Variants in ELMO1 observed in about 807,000 individuals in gnomAD.
ELMO1 encodes engulfment and cell motility 1.
A neutral mutation model predicts 98.9 loss-of-function variants in ELMO1; 26 were observed. That is an observed-to-expected ratio of 0.26 (90% CI 0.19 to 0.36). ELMO1 has a LOEUF of 0.36. Among genes scored for constraint, ELMO1 ranks in the 10% least tolerant of loss-of-function variants. The pLI, the probability that ELMO1 is intolerant of heterozygous loss-of-function variation, is 1.00. For synonymous variants in ELMO1, 346 were observed against 346.0 expected (o/e 1.00, Z 0.00); for missense variants, 627 against 935.2 (o/e 0.67, Z 4.30).
intron 1 of ELMO1, among the ~76,000 whole-genome samples, chr7:37,403,604 A>C (rs1163681104): frequency 6.6e-6 from 1 of 152,106 alleles, no homozygotes; most frequent in Non-Finnish European, 1.5e-5. Flanking sequence ...GAGTGCAGTG[A>C]CATGATCACA....
intron 16 of ELMO1, among the ~76,000 whole-genome samples, chr7:36,927,257 A>C (rs993697085): frequency 6.6e-6 from 1 of 152,208 alleles, no homozygotes; most frequent in African/African-American, 2.4e-5. Context: ...TCCCTGCCTC[A>C]AGAGACACTC....
In ELMO1 at chr7:36,867,478, T is replaced by C. The variant is rs542316572; in HGVS notation, c.1905+2915A>G. Among the ~76,000 whole-genome samples, 225 of 152,298 alleles carry C rather than the reference T, an allele frequency of 1.5e-3. 1 individual carries two copies. Among genetic ancestry groups the C allele is most frequent in the African/African-American group, 5.1e-3 (211 of 41,560 alleles). On this transcript the variant is annotated intron_variant, in intron 20 of 21. Coordinates refer to ENST00000310758, the MANE Select transcript of ELMO1 (RefSeq NM_014800.11). ...TTTTCAAAGTACCAGCTTTTGGTTT[T>C]GTTGATTTTCTCTACTGATTTCAGT... is the stretch of plus-strand genomic sequence containing the variant.
chr7:37,251,113 G>A (rs949054664), intron 6 of ELMO1, among the ~76,000 whole-genome samples: 4 of 152,184 alleles, frequency 2.6e-5, no homozygotes, highest in Non-Finnish European at 5.9e-5. Context: ...ACCCAAAGAA[G>A]AGCAGTATTT....
intron 1 of ELMO1, among the ~76,000 whole-genome samples, chr7:37,377,377 C>T (rs1802395512): frequency 6.6e-6 from 1 of 151,878 alleles, no homozygotes; most frequent in African/African-American, 2.4e-5. Flanking sequence ...AGTGAAAAGT[C>T]ACTTGAGGCA....
intron 6 of ELMO1, among the ~76,000 whole-genome samples, chr7:37,258,381 C>A (rs1386089592): frequency 1.3e-5 from 2 of 151,996 alleles, no homozygotes; most frequent in Non-Finnish European, 2.9e-5. Flanking sequence ...GTGGAGGTTG[C>A]AGTGAACAGC....
intron 19 of ELMO1, among the ~76,000 whole-genome samples, chr7:36,872,741 C>T (rs559804120): frequency 5.9e-5 from 9 of 152,238 alleles, no homozygotes; most frequent in Non-Finnish European, 1.3e-4. Context: ...AGTTGGCTGA[C>T]TTTCCAATGG....
At chr7:37,378,546 TA>T (rs1400700897) in intron 1 of ELMO1, among the ~76,000 whole-genome samples, 1 of 151,750 alleles carries the variant, frequency 6.6e-6, no homozygotes, top group East Asian at 1.9e-4. Flanking sequence ...AAGAGGGAGA[TA>T]AAAGGAACAA....
At chr7:37,268,041 T>A (rs908129720) in intron 5 of ELMO1, among the ~76,000 whole-genome samples, 4 of 152,224 alleles carry the variant, frequency 2.6e-5, no homozygotes, top group African/African-American at 9.6e-5. Context: ...ATAGTCACCA[T>A]AAGCACTTCT....
At chr7:37,198,107 C>T (rs980034082) in intron 13 of ELMO1, among the ~76,000 whole-genome samples, 3 of 152,132 alleles carry the variant, frequency 2.0e-5, no homozygotes. Context: ...TCCTGAGTAG[C>T]AAAAATACAG....
intron 1 of ELMO1, among the ~76,000 whole-genome samples, chr7:37,346,332 C>T (rs932523972): frequency 6.6e-6 from 1 of 152,194 alleles, no homozygotes; most frequent in Admixed American, 6.5e-5. Flanking sequence ...CTTAAAATTT[C>T]GCATCCTCTT....
chr7:37,304,384 C>T (rs1798498205), intron 4 of ELMO1, among the ~76,000 whole-genome samples: 2 of 151,988 alleles, frequency 1.3e-5, no homozygotes, highest in Middle Eastern at 3.2e-3. Context: ...TGTACATATG[C>T]ACTTCAATTT....
At chr7:37,271,280 A>C (rs1449827543) in intron 5 of ELMO1, 1 of 153,068 alleles carries the variant, frequency 6.5e-6, no homozygotes, top group Non-Finnish European at 1.5e-5. Flanking sequence ...AAAGGAAAGT[A>C]ACTGACTTTG....
chr7:37,336,699 C>T (rs1307988900), intron 2 of ELMO1, among the ~76,000 whole-genome samples: 2 of 151,988 alleles, frequency 1.3e-5, no homozygotes, highest in East Asian at 1.9e-4. Context: ...GCAGCTTTGC[C>T]GAGCGTAACC....
chr7:37,344,090 G>T (rs904030201), intron 1 of ELMO1, among the ~76,000 whole-genome samples: 8 of 146,820 alleles, frequency 5.4e-5, no homozygotes, highest in African/African-American at 2.0e-4. Flanking sequence ...GGAGTGCAGG[G>T]GCATGATCTC....
chr7:37,277,792 G>C (rs920497235), intron 4 of ELMO1, among the ~76,000 whole-genome samples: 101 of 152,312 alleles, frequency 6.6e-4, no homozygotes, highest in African/African-American at 2.3e-3. Context: ...TACTGAGAAC[G>C]CACACCTTCC....
intron 16 of ELMO1, among the ~76,000 whole-genome samples, chr7:36,956,855 A>G (rs1788496120): frequency 6.6e-6 from 1 of 152,236 alleles, no homozygotes; most frequent in African/African-American, 2.4e-5. Context: ...ATGGCAAGAA[A>G]TCATGAGCCA....
At chr7:37,385,453 C>T (rs368023963) in intron 1 of ELMO1, among the ~76,000 whole-genome samples, 1 of 152,224 alleles carries the variant, frequency 6.6e-6, no homozygotes. Flanking sequence ...CCTTTCTTCA[C>T]TCCGGTTTCC....
At chr7:37,258,197 G>A (rs1795789791) in intron 6 of ELMO1, among the ~76,000 whole-genome samples, 1 of 152,106 alleles carries the variant, frequency 6.6e-6, no homozygotes. Flanking sequence ...GAACCCAGGA[G>A]GCAGAGCTTG....
intron 15 of ELMO1, among the ~76,000 whole-genome samples, chr7:37,019,790 T>C (rs534463876): frequency 6.6e-6 from 1 of 152,358 alleles, no homozygotes; most frequent in South Asian, 2.1e-4. Flanking sequence ...GATTTTACTT[T>C]ATTTTAAAAA....
Sources: gnomAD v4.1 joint callset for allele counts (sites outside exome capture counted in the v4.1 genomes callset) on GRCh38, gnomAD v4.1.1 for gene constraint, MANE v1.5 for transcripts, NCBI Gene and HGNC (gene_info 2026-07-23, HGNC 2026-07-21) for gene names.